The following GRIN2B variants were observed in gnomAD, a reference collection of about 807,000 sequenced individuals.
GRIN2B encodes the protein glutamate receptor ionotropic, NMDA 2B.
A neutral mutation model predicts 114.5 loss-of-function variants in GRIN2B; 5 were observed. The observed-to-expected ratio is 0.04, with a 90% confidence interval of 0.02 to 0.09. The LOEUF (loss-of-function observed/expected upper bound fraction) is 0.09, where lower values mean the gene tolerates loss of function less well. Ranked by LOEUF, GRIN2B falls within the 10% of genes least tolerant of loss-of-function variation. The pLI is 1.00. For synonymous variants in GRIN2B, 787 were observed against 745.1 expected, an observed-to-expected ratio of 1.06 and a Z score of -0.92; for missense variants, 1,108 against 1,943.5, an observed-to-expected ratio of 0.57 and a Z score of 8.08.
intron 4 of GRIN2B, among the ~76,000 whole-genome samples, chr12:13,748,217 G>A (rs1863422329): frequency 1.3e-5 from 2 of 152,298 alleles, no homozygotes; most frequent in East Asian, 1.9e-4. Flanking sequence ...AGATTCATAA[G>A]AGGTTTGCTA....
At chr12:13,788,452 A>G (rs1864257624) in intron 3 of GRIN2B, among the ~76,000 whole-genome samples, 1 of 152,218 alleles carries the variant, frequency 6.6e-6, no homozygotes, top group Non-Finnish European at 1.5e-5. Context: ...TTATTAATAT[A>G]TTCAACTCTT....
At chr12:13,960,097 G>GAGC (rs1306097008) in intron 2 of GRIN2B, among the ~76,000 whole-genome samples, 3 of 152,014 alleles carry the variant, frequency 2.0e-5, no homozygotes, top group Admixed American at 1.3e-4. Context: ...CTAGGATGCT[G>GAGC]AGCAGCATCC....
intron 3 of GRIN2B, among the ~76,000 whole-genome samples, chr12:13,774,881 A>G (rs1863974595): frequency 2.0e-5 from 3 of 152,202 alleles, no homozygotes. Context: ...GTGAAATGTA[A>G]TTATCACAAA....
At chr12:13,974,882 A>T (rs1327976957) in intron 2 of GRIN2B, among the ~76,000 whole-genome samples, 1 of 152,182 alleles carries the variant, frequency 6.6e-6, no homozygotes, top group Non-Finnish European at 1.5e-5. Context: ...AGAACAGTGT[A>T]AAAGAGACTA....
chr12:13,818,267 C>G (rs1033515850), intron 3 of GRIN2B, among the ~76,000 whole-genome samples: 1 of 152,196 alleles, frequency 6.6e-6, no homozygotes, highest in African/African-American at 2.4e-5. Context: ...GAGCCAGCGA[C>G]CCAGTGGGAA....
intron 3 of GRIN2B, among the ~76,000 whole-genome samples, chr12:13,815,956 C>T (rs1864814961): frequency 1.3e-5 from 2 of 151,944 alleles, no homozygotes; most frequent in South Asian, 4.1e-4. Context: ...AATACATGCA[C>T]ATGTGCACAC....
chr12:13,606,306 AC>A (rs1359309705), intron 10 of GRIN2B, among the ~76,000 whole-genome samples: 10 of 152,166 alleles, frequency 6.6e-5, no homozygotes, highest in Non-Finnish European at 1.5e-4. Context: ...GGCTGCTTCC[AC>A]TCATGGTGGA....
At chr12:13,721,776 T>C (rs951850324) in intron 4 of GRIN2B, among the ~76,000 whole-genome samples, 4 of 151,878 alleles carry the variant, frequency 2.6e-5, no homozygotes. Context: ...ATAGACCAGA[T>C]GAAGTCATCT....
intron 10 of GRIN2B, among the ~76,000 whole-genome samples, chr12:13,582,111 T>G (rs779621627): frequency 1.3e-5 from 2 of 152,090 alleles, no homozygotes; most frequent in Non-Finnish European, 2.9e-5. Context: ...AAATCCTCCA[T>G]CTCAAAACAT....
In GRIN2B at chr12:13,896,160, G is replaced by A. The variant is rs141202536; in HGVS notation, c.-18-29934C>T. On this transcript the variant is annotated intron_variant, in intron 2 of 13. Coordinates refer to ENST00000609686, the MANE Select transcript of GRIN2B (RefSeq NM_000834.5). ...GAGGAGAGATTAGGTTTAACAGAAG[G>A]CTCTACCAACGAGGAGGCTCCTTTA... Among the ~76,000 whole-genome samples, 21 of 152,230 alleles carry A rather than the reference G, an allele frequency of 1.4e-4. No homozygotes were observed. In the East Asian group the frequency reaches 3.7e-3, roughly 27 times the overall value.
intron 4 of GRIN2B, among the ~76,000 whole-genome samples, chr12:13,748,495 C>T (rs1863427090): frequency 6.6e-6 from 1 of 152,196 alleles, no homozygotes; most frequent in Non-Finnish European, 1.5e-5. Flanking sequence ...CTTCCCAGCT[C>T]AGGGGAATGA....
intron 2 of GRIN2B, among the ~76,000 whole-genome samples, chr12:13,971,657 T>C (rs1307237113): frequency 6.6e-6 from 1 of 152,212 alleles, no homozygotes; most frequent in African/African-American, 2.4e-5. Context: ...TTCCTACATT[T>C]ACACTGTTAC....
chr12:13,901,292 G>A (rs918977802), intron 2 of GRIN2B, among the ~76,000 whole-genome samples: 3 of 151,934 alleles, frequency 2.0e-5, no homozygotes, highest in East Asian at 1.9e-4. Context: ...TCTGGGAAAG[G>A]CCTATTTGTC....
intron 3 of GRIN2B, among the ~76,000 whole-genome samples, chr12:13,755,976 T>G (rs1230105594): frequency 6.6e-6 from 1 of 152,200 alleles, no homozygotes; most frequent in Admixed American, 6.5e-5. Context: ...TACTGGCACC[T>G]TGATCTTGAA....
chr12:13,810,781 T>C (rs573960292), intron 3 of GRIN2B, among the ~76,000 whole-genome samples: 8 of 152,236 alleles, frequency 5.3e-5, no homozygotes, highest in Non-Finnish European at 2.9e-5. Flanking sequence ...AACTGTCAGA[T>C]GAATCAGAGG....
At chr12:13,967,541 A>C (rs1867809080) in intron 2 of GRIN2B, among the ~76,000 whole-genome samples, 2 of 152,372 alleles carry the variant, frequency 1.3e-5, no homozygotes, top group Middle Eastern at 3.4e-3. Flanking sequence ...CAATTCATGG[A>C]AAGCACTAAG....
chr12:13,966,731 C>A (rs532526908), intron 2 of GRIN2B, among the ~76,000 whole-genome samples: 2 of 152,074 alleles, frequency 1.3e-5, no homozygotes, highest in Non-Finnish European at 2.9e-5. Flanking sequence ...GGGGAAGTCA[C>A]GATAATTAAT....
chr12:13,780,037 G>A (rs1864078001), intron 3 of GRIN2B, among the ~76,000 whole-genome samples: 1 of 152,096 alleles, frequency 6.6e-6, no homozygotes, highest in South Asian at 2.1e-4. Flanking sequence ...ACAAAAGAAT[G>A]GGTGTCACCA....
chr12:13,909,029 G>C (rs1866588802), intron 2 of GRIN2B, among the ~76,000 whole-genome samples: 4 of 152,110 alleles, frequency 2.6e-5, no homozygotes. Context: ...ATGGCTGCTG[G>C]CTCGTACTCT....
Sources: allele counts gnomAD v4.1 joint callset (sites outside exome capture counted in the v4.1 genomes callset), GRCh38; gene constraint gnomAD v4.1.1; transcripts MANE v1.5; gene names NCBI Gene and HGNC (gene_info 2026-07-23, HGNC 2026-07-21).